Variants in TRRAP observed in about 807,000 individuals in gnomAD.
TRRAP encodes the protein transformation/transcription domain-associated protein.
In TRRAP, 41 loss-of-function variants were observed where a neutral mutation model predicts 438.8. The ratio of observed to expected loss-of-function variants is 0.09; its 90% CI spans 0.07 to 0.12. The LOEUF (loss-of-function observed/expected upper bound fraction) is 0.12, where lower values mean the gene tolerates loss of function less well. Among genes scored for constraint, TRRAP ranks in the 10% least tolerant of loss-of-function variants. The pLI is 1.00. For missense variants in TRRAP, 3,122 were observed against 5,055.1 expected, an observed-to-expected ratio of 0.62 and a Z score of 11.60; for synonymous variants, 1,994 against 1,962.9, an observed-to-expected ratio of 1.02 and a Z score of -0.42.
rs964273642 is a variant in TRRAP at position 99,005,155 on chromosome 7, G to A, written c.10560G>A (p.Val3520=). Residue 3520 remains valine (V), a synonymous_variant, in exon 69 of 73, where the codon GTG becomes GTA. Coordinates refer to ENST00000456197, the MANE Select transcript of TRRAP (RefSeq NM_001375524.1). The surrounding 1 kb of genome is among the most constrained non-coding windows in gnomAD (Gnocchi z 5.1). Reference sequence around the variant, plus strand: ...GGTTCATGCCCCGGGTAGAGATTGTGCAGAAGCACAACACCGCAGCCCGGC... The same window carrying A: ...GGTTCATGCCCCGGGTAGAGATTGTACAGAAGCACAACACCGCAGCCCGGC... The part of the protein sequence containing the change: ...IARFMPRVEI[V]QKHNTAARRL... The A allele has an allele frequency of 1.9e-6, 3 of 1,613,824 alleles. No homozygotes were observed. The Admixed American group carries it at 5.0e-5, about 27-fold the overall frequency.
chr7:98,922,958 G>A (rs1489349752), intron 21 of TRRAP, among the ~76,000 whole-genome samples: 2 of 152,120 alleles, frequency 1.3e-5, no homozygotes, highest in African/African-American at 2.4e-5. Flanking sequence ...GTACAGATAA[G>A]CGTCACTCTG....
intron 68 of TRRAP, 80 bp downstream of exon 68, chr7:99,004,495 C>T (rs1211227263): frequency 2.3e-6 from 3 of 1,287,852 alleles, no homozygotes; most frequent in African/African-American, 1.5e-5. Flanking sequence ...CAGGGTGGAC[C>T]CTGTGGGGAA....
chr7:99,008,206 A>G (rs1014372315), intron 69 of TRRAP, among the ~76,000 whole-genome samples, 171 bp from the exon 70 acceptor site: 1 of 152,202 alleles, frequency 6.6e-6, no homozygotes, highest in Non-Finnish European at 1.5e-5. Flanking sequence ...TCAGAGCCTC[A>G]TGCCATCTGT....
rs1477062395 is a variant in TRRAP at position 98,908,776 on chromosome 7, G to A, written c.1164G>A (p.Gln388=). The stretch of plus-strand genomic sequence containing the variant: ...CCGACCTCGTGCACCATGTCCGCCA[G>A]CACCTGCCCCTCAGCGACCTCTCCC... ...TLADLVHHVR[Q]HLPLSDLSLA... is the part of the protein sequence containing the mutation. The change falls in exon 14 of 73, where the codon CAG becomes CAA. Residue 388 remains glutamine (Q), a synonymous_variant. Coordinates refer to ENST00000456197, the MANE Select transcript of TRRAP (RefSeq NM_001375524.1). This position sits in a 1 kb window ranked among gnomAD's most constrained non-coding sequence, Gnocchi z 4.1. 8.2e-6 allele frequency: 13 copies of A among 1,578,950 alleles called. No homozygotes were observed. The African/African-American group carries it at 1.4e-4, about 16-fold the overall frequency.
At chr7:98,968,874 C>T (rs905895751) in intron 51 of TRRAP, among the ~76,000 whole-genome samples, 3 of 152,346 alleles carry the variant, frequency 2.0e-5, no homozygotes, top group Middle Eastern at 3.4e-3. Context: ...ATCACTCGTT[C>T]AGGAGACCTT....
rs907925116 is a variant in TRRAP at position 98,983,473 on chromosome 7, G to A, written c.9022+14G>A. On this transcript the variant is annotated intron_variant, in intron 60 of 72. Transcript: ENST00000456197. ...ATCATTACCAGGGTAAACCGACCTG[G>A]TCCGGCATGCATTCATCATGTAATT... 6.2e-7 allele frequency: 1 copy of A among 1,614,024 alleles called. No individual in the cohort carries two copies. Among genetic ancestry groups the A allele is most frequent in the East Asian group, 2.2e-5 (1 of 44,886 alleles).
At chr7:98,941,561 A>C (rs1554415600) in intron 30 of TRRAP, among the ~76,000 whole-genome samples, 1 of 152,178 alleles carries the variant, frequency 6.6e-6, no homozygotes, top group Non-Finnish European at 1.5e-5. Flanking sequence ...GGAAAAAAAG[A>C]ATGGTGATGT....
At position 98,985,219 on chromosome 7, in the gene TRRAP, T is replaced by G. The variant is rs184049427; in HGVS notation, c.9389+175T>G. ...GCAAAAAGAGTAACTTGTGACAAAT[T>G]GATAAGCCTATTTGATGTGTAGTAT... On this transcript the variant is annotated intron_variant, in intron 62 of 72. Coordinates refer to ENST00000456197, the MANE Select transcript of TRRAP (RefSeq NM_001375524.1). Among the ~76,000 whole-genome samples the G allele has an allele frequency of 2.7e-3, 407 of 152,364 alleles. 3 individuals are homozygous for G. Among genetic ancestry groups the G allele is most frequent in the African/African-American group, 9.3e-3 (387 of 41,594 alleles).
At position 98,999,732 on chromosome 7, in the gene TRRAP, G is replaced by GGTAT. The variant is rs1413894806; in HGVS notation, c.10310-4457_10310-4454dup. 4.2e-6 allele frequency: 3 copies of GGTAT among 710,450 alleles called. No individual in the cohort carries two copies. The African/African-American group carries it at 5.4e-5, about 13-fold the overall frequency. 44.0% of individuals were successfully genotyped at this position (710,450 alleles called of 1,614,324 possible). On this transcript the variant is annotated intron_variant, in intron 67 of 72. Transcript: ENST00000456197. ...GCACAAGTGGAGGGAGAAAGCAAAT[G>GGTAT]GTATATTCAAAGCTACTATTCTGGG...
At chr7:98,966,630 A>C (rs1040514423) in intron 49 of TRRAP, among the ~76,000 whole-genome samples, 8 of 152,204 alleles carry the variant, frequency 5.3e-5, no homozygotes, top group African/African-American at 1.7e-4. Flanking sequence ...GGTTGCAGTA[A>C]GCCAAGATCA....
In TRRAP at chr7:98,993,875, G is replaced by A. The variant is rs192255010; in HGVS notation, c.10047+138G>A. 18 of 801,666 alleles carry A rather than the reference G, an allele frequency of 2.2e-5. No homozygotes were observed. In the African/African-American group the frequency reaches 2.8e-4, roughly 12 times the overall value. The allele number at this position is 801,666 out of a possible 1,614,324, so 49.7% of individuals were successfully genotyped here. ...TGTTGTTGAACTTAACCATGGACCA[G>A]GCAAATAGCTATCTCTGCACACTAG... is the stretch of plus-strand genomic sequence containing the variant. On this transcript the variant is annotated intron_variant, in intron 66 of 72. Coordinates refer to ENST00000456197, the MANE Select transcript of TRRAP (RefSeq NM_001375524.1).
At chr7:98,981,680 C>T in intron 58 of TRRAP, 89 bp from the exon 59 acceptor site, 1 of 1,410,606 alleles carries the variant, frequency 7.1e-7, no homozygotes, top group Non-Finnish European at 9.5e-7. Context: ...TACCTAGTGA[C>T]CAAAAAAAGT....
chr7:98,979,759 T>G (rs540875356), intron 58 of TRRAP, among the ~76,000 whole-genome samples: 1 of 152,322 alleles, frequency 6.6e-6, no homozygotes, highest in Non-Finnish European at 1.5e-5. Context: ...TCTTGATCAT[T>G]TTATAAAACT....
intron 67 of TRRAP, among the ~76,000 whole-genome samples, chr7:99,003,740 A>G (rs1354913344): frequency 1.3e-5 from 2 of 152,200 alleles, no homozygotes; most frequent in South Asian, 2.1e-4. Context: ...AGCAAGGGAC[A>G]TAAAATGTTT....
At chr7:98,889,175 C>G (rs1424609485) in intron 3 of TRRAP, among the ~76,000 whole-genome samples, 1 of 151,558 alleles carries the variant, frequency 6.6e-6, no homozygotes, top group Non-Finnish European at 1.5e-5. Context: ...GCTAGTGTGC[C>G]CATTTTCAAA....
chr7:98,995,209 G>T (rs1407086628), intron 67 of TRRAP, among the ~76,000 whole-genome samples: 1 of 152,176 alleles, frequency 6.6e-6, no homozygotes, highest in Non-Finnish European at 1.5e-5. Context: ...GAACCAGTAG[G>T]AGACAGAGTC....
At chr7:98,915,923 G>T (rs1789499445) in intron 19 of TRRAP, 35 bp downstream of exon 19, 1 of 1,612,146 alleles carries the variant, frequency 6.2e-7, no homozygotes, top group African/African-American at 1.3e-5. Flanking sequence ...TTTTAGTCTT[G>T]TGTGTCATGT....
chr7:98,897,737 G>A lies in TRRAP; in HGVS notation c.508-4G>A. ...GAAAAAATATTTTTATGACTTTTAT[G>A]TAGAACCGCTACTTTGAGAACCCTC... On this transcript the variant is annotated splice_polypyrimidine_tract_variant and splice_region_variant and intron_variant, in intron 7 of 72. Coordinates refer to ENST00000456197, the MANE Select transcript of TRRAP (RefSeq NM_001375524.1). 1 of 1,605,902 alleles carries A rather than the reference G, an allele frequency of 6.2e-7. No individual in the cohort carries two copies. The highest frequency in any genetic ancestry group is 8.5e-7 in the Non-Finnish European group (1 of 1,176,148).
chr7:98,978,969 C>T, intron 58 of TRRAP, 65 bp downstream of exon 58: 2 of 1,596,540 alleles, frequency 1.3e-6, no homozygotes, highest in South Asian at 1.1e-5. Flanking sequence ...GCAGGTGTCT[C>T]TTGGGAGATT....
Sources: allele counts gnomAD v4.1 joint callset (sites outside exome capture counted in the v4.1 genomes callset), GRCh38; gene constraint gnomAD v4.1.1; non-coding constraint Gnocchi (gnomAD v3.1); transcripts MANE v1.5; gene names NCBI Gene and HGNC (gene_info 2026-07-23, HGNC 2026-07-21).